The following EYS variants were observed in gnomAD, a reference collection of about 807,000 sequenced individuals.
The protein encoded by EYS is EGF-like photoreceptor maintenance factor, also known as protein eyes shut homolog.
EYS carries 250 observed loss-of-function variants against 282.1 expected under a neutral mutation model. The ratio of observed to expected loss-of-function variants is 0.89; its 90% CI spans 0.80 to 0.98. The LOEUF is 0.98. Ranked by LOEUF, EYS falls within the 50% of genes least tolerant of loss-of-function variation. The probability of loss-of-function intolerance (pLI) is 0.00; values close to 1 mark genes in which losing one functional copy is unlikely to be tolerated. For synonymous variants in EYS, 1,355 were observed against 1,282.9 expected (o/e 1.06, Z -1.20); for missense variants, 4,016 against 3,709.0 (o/e 1.08, Z -2.15).
chr6:63,999,518 T>A (rs957167900), intron 33 of EYS, among the ~76,000 whole-genome samples: 3 of 152,190 alleles, frequency 2.0e-5, no homozygotes, highest in African/African-American at 4.8e-5. Flanking sequence ...TGACATATGG[T>A]CTCCCTCATG....
chr6:64,518,516 A>G (rs972380487), intron 26 of EYS, among the ~76,000 whole-genome samples: 11 of 151,982 alleles, frequency 7.2e-5, no homozygotes, highest in African/African-American at 2.6e-4. Context: ...TTTACCATAT[A>G]ATTATAAACA....
intron 2 of EYS, among the ~76,000 whole-genome samples, chr6:65,626,947 A>G (rs991508734): frequency 6.6e-6 from 1 of 150,912 alleles, no homozygotes; most frequent in Non-Finnish European, 1.5e-5. Context: ...TTAAAAACCA[A>G]TATATTTCAG....
chr6:64,588,702 T>G (rs2149829798), intron 26 of EYS, among the ~76,000 whole-genome samples: 1 of 152,194 alleles, frequency 6.6e-6, no homozygotes, highest in Non-Finnish European at 1.5e-5. Flanking sequence ...AATAAGTAAT[T>G]ACCATATTAA....
chr6:64,237,199 C>T (rs971456328), intron 30 of EYS, among the ~76,000 whole-genome samples: 2 of 152,068 alleles, frequency 1.3e-5, no homozygotes, highest in Admixed American at 1.3e-4. Flanking sequence ...TAATAAGTGT[C>T]ATATGCAGAA....
intron 1 of EYS, among the ~76,000 whole-genome samples, chr6:65,664,137 C>A (rs1455883067): frequency 6.6e-6 from 1 of 151,858 alleles, no homozygotes; most frequent in South Asian, 2.1e-4. Context: ...CCCAAAGTGC[C>A]GGGATTACAG....
chr6:64,077,448 T>C (rs1771812633), intron 32 of EYS, among the ~76,000 whole-genome samples: 1 of 152,020 alleles, frequency 6.6e-6, no homozygotes, highest in East Asian at 1.9e-4. Context: ...AGAAATCTTT[T>C]AGTCTTCCAT....
intron 11 of EYS, among the ~76,000 whole-genome samples, chr6:65,306,828 G>A (rs1447177274): frequency 0.03 from 792 of 26,362 alleles, 3 homozygotes; most frequent in African/African-American, 0.064. Flanking sequence ...GCAAGAGTCC[G>A]TCTCAAAAAA....
chr6:64,914,205 T>G (rs1768093645), intron 15 of EYS, among the ~76,000 whole-genome samples: 1 of 152,088 alleles, frequency 6.6e-6, no homozygotes, highest in Non-Finnish European at 1.5e-5. Flanking sequence ...AATAGAGAGA[T>G]AGAGAGGTAG....
At position 65,116,447 on chromosome 6, in the gene EYS, GCTATAAGTGGATCA is replaced by G. The variant is rs570010143; in HGVS notation, c.2024-58734_2024-58721del. On this transcript the variant is annotated intron_variant, in intron 12 of 42. Transcript: ENST00000503581. The stretch of plus-strand genomic sequence containing the variant: ...AAGGATGGAAAAAGGGGATACAAGT[GCTATAAGTGGATCA>G]CTTAAAGAGATAATCTATCTCTGTG... Among the ~76,000 whole-genome samples, 4 of 152,130 alleles carry G rather than the reference GCTATAAGTGGATCA, an allele frequency of 2.6e-5. No individual in the cohort carries two copies. The South Asian group carries it at 8.3e-4, about 32-fold the overall frequency.
At chr6:64,933,912 C>T (rs570080999) in intron 15 of EYS, among the ~76,000 whole-genome samples, 33 of 152,094 alleles carry the variant, frequency 2.2e-4, no homozygotes, top group Admixed American at 3.9e-4. Context: ...TGTTCTCACT[C>T]GTAAGTGGGA....
At chr6:64,727,854 T>C (rs1771811025) in intron 22 of EYS, among the ~76,000 whole-genome samples, 1 of 152,216 alleles carries the variant, frequency 6.6e-6, no homozygotes, top group Non-Finnish European at 1.5e-5. Flanking sequence ...CTTTACAAAG[T>C]AGCCTAATAA....
intron 26 of EYS, among the ~76,000 whole-genome samples, chr6:64,569,413 A>G (rs1765651504): frequency 6.6e-6 from 1 of 152,000 alleles, no homozygotes; most frequent in South Asian, 2.1e-4. Flanking sequence ...GAACAACTTA[A>G]TGAAATAAAG....
intron 31 of EYS, among the ~76,000 whole-genome samples, chr6:64,109,343 T>A (rs74698660): frequency 0.051 from 7,784 of 152,198 alleles, 244 homozygotes; most frequent in Non-Finnish European, 0.076. Context: ...CCTATTTTCT[T>A]CATTATTCCA....
At chr6:63,940,386 A>G (rs1381856213) in intron 35 of EYS, among the ~76,000 whole-genome samples, 2 of 152,128 alleles carry the variant, frequency 1.3e-5, no homozygotes, top group Non-Finnish European at 2.9e-5. Flanking sequence ...AAAACTTTGT[A>G]CTTTCTGCAA....
chr6:65,319,204 C>CAAAAAA (rs55687610), intron 11 of EYS, among the ~76,000 whole-genome samples: 13 of 44,392 alleles, frequency 2.9e-4, no homozygotes, highest in Non-Finnish European at 4.0e-4. Flanking sequence ...ACTAAAAATG[C>CAAAAAA]AAAAAAAAAA....
intron 22 of EYS, among the ~76,000 whole-genome samples, chr6:64,729,371 T>C (rs1029641487): frequency 6.6e-6 from 1 of 152,220 alleles, no homozygotes; most frequent in African/African-American, 2.4e-5. Context: ...ATGTTGAACG[T>C]GGCTATGTGA....
At chr6:65,521,193 G>A (rs1767356663) in intron 2 of EYS, among the ~76,000 whole-genome samples, 1 of 152,152 alleles carries the variant, frequency 6.6e-6, no homozygotes. Flanking sequence ...TAGAAATCAT[G>A]ATAGAGAATG....
At chr6:64,150,048 T>C (rs546804117) in intron 31 of EYS, among the ~76,000 whole-genome samples, 2 of 152,352 alleles carry the variant, frequency 1.3e-5, no homozygotes, top group East Asian at 3.9e-4. Flanking sequence ...GGAACTATCC[T>C]GCAGTTCCTT....
At chr6:64,534,609 T>C (rs931235050) in intron 26 of EYS, among the ~76,000 whole-genome samples, 3 of 152,194 alleles carry the variant, frequency 2.0e-5, no homozygotes, top group African/African-American at 2.4e-5. Flanking sequence ...CTTTCCTCTT[T>C]CTCTTTTCAT....
Sources: gnomAD v4.1 joint callset for allele counts (sites outside exome capture counted in the v4.1 genomes callset) on GRCh38, gnomAD v4.1.1 for gene constraint, MANE v1.5 for transcripts, NCBI Gene and HGNC (gene_info 2026-07-23, HGNC 2026-07-21) for gene names.